The following SLAMF6 variants were observed in gnomAD, a reference collection of about 807,000 sequenced individuals.
SLAMF6 encodes NK-T-B-antigen.
A neutral mutation model predicts 38.3 loss-of-function variants in SLAMF6; 21 were observed. The ratio of observed to expected loss-of-function variants is 0.55; its 90% CI spans 0.39 to 0.79. SLAMF6 has a LOEUF of 0.79. SLAMF6 is among the 30% of genes least tolerant of loss of function. SLAMF6 has a pLI of 0.00. For missense variants in SLAMF6, 341 were observed against 385.3 expected (o/e 0.89, Z 0.96); for synonymous variants, 152 against 146.3 (o/e 1.04, Z -0.28).
intron 1 of SLAMF6, among the ~76,000 whole-genome samples, chr1:160,498,240 C>T (rs1571293051): frequency 2.0e-5 from 3 of 151,752 alleles, no homozygotes; most frequent in African/African-American, 7.3e-5. Context: ...TACAAAAATA[C>T]AAAAAAGTGT....
chr1:160,517,872 G>C (rs1163024309), intron 1 of SLAMF6, among the ~76,000 whole-genome samples: 2 of 152,070 alleles, frequency 1.3e-5, no homozygotes, highest in Non-Finnish European at 2.9e-5. Context: ...GTTGGGGGAG[G>C]GAGAGCATTA....
intron 1 of SLAMF6, 40 bp downstream of exon 1, chr1:160,523,104 G>C: frequency 6.3e-7 from 1 of 1,587,416 alleles, no homozygotes; most frequent in East Asian, 2.2e-5. Context: ...CAAAACCAGG[G>C]AGTCACTCAG....
rs116619831 is a variant in SLAMF6 at position 160,499,781 on chromosome 1, G to T, written c.50-3388C>A. Among the ~76,000 whole-genome samples the T allele has an allele frequency of 6.1e-3, 922 of 152,312 alleles. 12 individuals carry two copies. Among genetic ancestry groups the T allele is most frequent in the African/African-American group, 0.021 (890 of 41,568 alleles). On this transcript the variant is annotated intron_variant, in intron 1 of 7. Coordinates refer to ENST00000368057, the MANE Select transcript of SLAMF6 (RefSeq NM_001184714.2). ...ATGTCTCTTGGAGTCCTAGTGCTCAGCTCCTGGGTGAGCTTGCACTTCCTC... is the reference window on the plus strand; with the variant it reads ...ATGTCTCTTGGAGTCCTAGTGCTCATCTCCTGGGTGAGCTTGCACTTCCTC...
chr1:160,498,125 T>C (rs1005343326), intron 1 of SLAMF6, among the ~76,000 whole-genome samples: 6 of 151,982 alleles, frequency 3.9e-5, no homozygotes, highest in African/African-American at 1.5e-4. Flanking sequence ...CTCTGCAACC[T>C]CACCAAGTGG....
At chr1:160,501,698 CTTT>C (rs11324483) in intron 1 of SLAMF6, among the ~76,000 whole-genome samples, 13 of 138,616 alleles carry the variant, frequency 9.4e-5, no homozygotes, top group African/African-American at 1.6e-4. Flanking sequence ...TAATGCCTTG[CTTT>C]TTTTTTTTTT....
chr1:160,501,113 GGT>G (rs1171176384), intron 1 of SLAMF6, among the ~76,000 whole-genome samples: 2 of 152,106 alleles, frequency 1.3e-5, no homozygotes, highest in Non-Finnish European at 2.9e-5. Flanking sequence ...TATTCATTCT[GGT>G]GTTCAAATAT....
intron 1 of SLAMF6, among the ~76,000 whole-genome samples, chr1:160,510,526 G>GA (rs555731334): frequency 1.3e-5 from 2 of 151,954 alleles, no homozygotes; most frequent in African/African-American, 2.4e-5. Flanking sequence ...AAAAACATTT[G>GA]AAAAAAACCA....
chr1:160,493,479 T>A (rs987280059), intron 2 of SLAMF6, among the ~76,000 whole-genome samples: 2 of 152,230 alleles, frequency 1.3e-5, no homozygotes, highest in African/African-American at 4.8e-5. Context: ...TTATATGTTA[T>A]GTGAATTGCT....
intron 1 of SLAMF6, among the ~76,000 whole-genome samples, chr1:160,522,520 G>T (rs1283552590): frequency 6.6e-6 from 1 of 152,144 alleles, no homozygotes; most frequent in Admixed American, 6.6e-5. Flanking sequence ...TGGACAGCAG[G>T]AAACAAGAAG....
At chr1:160,502,618 C>T (rs1316917949) in intron 1 of SLAMF6, among the ~76,000 whole-genome samples, 1 of 152,100 alleles carries the variant, frequency 6.6e-6, no homozygotes, top group Non-Finnish European at 1.5e-5. Context: ...TATTAAAAAA[C>T]ATGAAGTATT....
intron 7 of SLAMF6, 102 bp downstream of exon 7, chr1:160,487,002 G>A: frequency 9.2e-7 from 1 of 1,083,128 alleles, no homozygotes; most frequent in Non-Finnish European, 1.4e-6. Context: ...GCTGCTGTTT[G>A]TGCATCTGTA....
At chr1:160,491,825 C>T (rs967387018) in intron 2 of SLAMF6, among the ~76,000 whole-genome samples, 9 of 152,150 alleles carry the variant, frequency 5.9e-5, no homozygotes, top group African/African-American at 9.7e-5. Context: ...GTCCTGTTTC[C>T]TCTGCTATCA....
intron 1 of SLAMF6, among the ~76,000 whole-genome samples, chr1:160,500,588 G>A (rs1305482068): frequency 6.6e-6 from 1 of 151,954 alleles, no homozygotes; most frequent in Admixed American, 6.6e-5. Context: ...TTACCATCTA[G>A]TACTTACCAT....
chr1:160,496,161 C>A lies in SLAMF6; in HGVS notation c.282G>T (p.Leu94=), dbSNP rs373925914. 5 of 1,613,822 alleles carry A rather than the reference C, an allele frequency of 3.1e-6. No individual in the cohort carries two copies. The highest frequency in any genetic ancestry group is 4.2e-6 in the Non-Finnish European group (5 of 1,179,924). The stretch of plus-strand genomic sequence containing the variant: ...CTTCCATCTTCAGGTTGCTGAGTTG[C>A]AGGGAGTAGGACTGGGTGAAGTTCA... The part of the protein sequence containing the change: ...KRLNFTQSYS[L]QLSNLKMEDT... The change falls in exon 2 of 8, where the codon CTG becomes CTT. Residue 94 remains leucine, a synonymous_variant. Transcript: ENST00000368057.
At chr1:160,512,317 TCAGCAACTCC>T (rs2102059829) in intron 1 of SLAMF6, among the ~76,000 whole-genome samples, 1 of 152,246 alleles carries the variant, frequency 6.6e-6, no homozygotes, top group African/African-American at 2.4e-5. Flanking sequence ...TGTGGGAATT[TCAGCAACTCC>T]AGCCAAGGGT....
intron 7 of SLAMF6, 117 bp from the exon 8 acceptor site, chr1:160,486,871 T>C (rs985700297): frequency 1.0e-5 from 12 of 1,182,266 alleles, no homozygotes; most frequent in Middle Eastern, 2.0e-4. Context: ...GAGATATTGA[T>C]AGCATAGGGC....
At chr1:160,505,629 T>C (rs969879535) in intron 1 of SLAMF6, among the ~76,000 whole-genome samples, 12 of 152,234 alleles carry the variant, frequency 7.9e-5, no homozygotes, top group African/African-American at 2.4e-4. Context: ...TTTGAACTCC[T>C]GGGCTCAAAT....
rs1461358224 is a variant in SLAMF6 at position 160,485,618 on chromosome 1, C to A, written c.*1089G>T. On this transcript the variant is annotated 3_prime_UTR_variant, in exon 8 of 8. Transcript: ENST00000368057. ...AGGGCCATGGAAACTGGATTTCTTT[C>A]TGAGTGCATTGGGAAACCTGCAGGG... The A allele has an allele frequency of 6.6e-6, 1 of 152,206 alleles. No homozygotes were observed. The highest frequency in any genetic ancestry group is 1.5e-5 in the Non-Finnish European group (1 of 68,068). 9.4% of individuals were successfully genotyped at this position (152,206 alleles called of 1,614,324 possible).
intron 6 of SLAMF6, among the ~76,000 whole-genome samples, chr1:160,488,866 G>A (rs576718741): frequency 2.6e-4 from 39 of 152,284 alleles, no homozygotes; most frequent in African/African-American, 7.9e-4. Context: ...TGCATCAAGC[G>A]GTTGGAGAAC....
Sources: gnomAD v4.1 joint callset for allele counts (sites outside exome capture counted in the v4.1 genomes callset) on GRCh38, gnomAD v4.1.1 for gene constraint, MANE v1.5 for transcripts, NCBI Gene and HGNC (gene_info 2026-07-23, HGNC 2026-07-21) for gene names.